The following ABCA8 variants were observed in gnomAD, a reference collection of about 807,000 sequenced individuals.
ABCA8 encodes ATP binding cassette subfamily A member 8.
ABCA8 carries 177 observed loss-of-function variants against 192.3 expected under a neutral mutation model. That is an observed-to-expected ratio of 0.92 (90% CI 0.81 to 1.04). The LOEUF (loss-of-function observed/expected upper bound fraction) is 1.04. Ranked by LOEUF, ABCA8 falls within the 50% of genes least tolerant of loss-of-function variation. ABCA8 has a pLI of 0.00. For missense variants in ABCA8, 1,915 were observed against 1,904.8 expected (o/e 1.01, Z -0.10); for synonymous variants, 642 against 690.2 (o/e 0.93, Z 1.09).
At chr17:68,908,012 AC>A in intron 17 of ABCA8, 133 bp from the exon 18 acceptor site, 1 of 851,534 alleles carries the variant, frequency 1.2e-6, no homozygotes, top group Non-Finnish European at 1.6e-6. Flanking sequence ...TCAGACAAAC[AC>A]AAAATAAGAG....
chr17:68,917,574 C>A, intron 16 of ABCA8, 123 bp from the exon 17 acceptor site: 1 of 639,342 alleles, frequency 1.6e-6, no homozygotes, highest in South Asian at 2.3e-5. Flanking sequence ...GTTTTAAATG[C>A]AGGACTCGAT....
intron 13 of ABCA8, 21 bp from the exon 14 acceptor site, chr17:68,919,497 A>G (rs1340504803): frequency 1.3e-6 from 2 of 1,594,510 alleles, no homozygotes; most frequent in South Asian, 2.2e-5. Context: ...GGAAAAGTTA[A>G]TATCAAGATA....
chr17:68,913,501 G>GA (rs1407088935), intron 17 of ABCA8, among the ~76,000 whole-genome samples: 6 of 150,398 alleles, frequency 4.0e-5, no homozygotes, highest in Admixed American at 1.3e-4. Context: ...CTAAAAAAAA[G>GA]AAAAAAAAGA....
chr17:68,891,575 C>T lies in ABCA8; in HGVS notation c.3058G>A (p.Gly1020Arg), dbSNP rs575143135. The change falls in exon 24 of 40, where the codon GGA becomes AGA. Residue 1020 changes from glycine (G) to arginine (R), a missense_variant. Coordinates refer to ENST00000586539, the MANE Select transcript of ABCA8 (RefSeq NM_001288985.2). ...FLENGQDNPI[G>R]FLAYIMFWLV... Reference sequence around the variant, plus strand: ...CAGAACATGATATATGCCAGGAATCCGATTGGATTGTCCTGTCCATTCTGA... The same window carrying T: ...CAGAACATGATATATGCCAGGAATCTGATTGGATTGTCCTGTCCATTCTGA... 3.3e-5 allele frequency: 53 copies of T among 1,612,278 alleles called. No homozygotes were observed. The highest frequency in any genetic ancestry group is 5.5e-5 in the South Asian group (5 of 91,004).
rs35643726 is a variant in ABCA8 at position 68,942,000 on chromosome 17, G to C, written c.35C>G (p.Thr12Ser). The change falls in exon 3 of 40, where the codon ACT (threonine) becomes AGT (serine). Residue 12 changes from threonine (T) to serine (S), a missense_variant. Thr to Ser is a moderately conservative substitution (Grantham distance 58). Transcript: ENST00000586539. ...RKRKISVCQQ[T>S]WALLCKNFLK... ...AAAGTTCTTGCATAATAAGGCCCAAGTTTGTTGACACACACTGATCTTTCT... is the reference window on the plus strand; with the variant it reads ...AAAGTTCTTGCATAATAAGGCCCAACTTTGTTGACACACACTGATCTTTCT... 6,500 of 1,612,834 alleles carry C rather than the reference G, an allele frequency of 4.0e-3. 193 individuals are homozygous for C. In the African/African-American group the frequency reaches 0.068, roughly 17 times the overall value.
chr17:68,881,176 C>CA lies in ABCA8; in HGVS notation c.3981dup (p.Gly1328TrpfsTer2). 1.2e-6 allele frequency: 2 copies of CA among 1,613,788 alleles called. No individual in the cohort carries two copies. Among genetic ancestry groups the CA allele is most frequent in the Non-Finnish European group, 1.7e-6 (2 of 1,179,830 alleles). On this transcript the variant is annotated frameshift_variant, in exon 32 of 40. Transcript: ENST00000586539. LOFTEE classifies it high-confidence loss of function. ...ATCACCTTAATGGATGTGCTTTTAC[C>CA]AGCTCCATTGTGTCCTAATAATCCT...
intron 1 of ABCA8, among the ~76,000 whole-genome samples, chr17:68,953,612 C>A (rs73998584): frequency 0.056 from 8,451 of 152,098 alleles, 723 homozygotes; most frequent in African/African-American, 0.19. Context: ...TCAGAGAGCC[C>A]ATGGAAGGAG....
chr17:68,900,320 C>T (rs969132666), intron 21 of ABCA8, among the ~76,000 whole-genome samples: 1 of 151,708 alleles, frequency 6.6e-6, no homozygotes, highest in Non-Finnish European at 1.5e-5. Flanking sequence ...GTTTGTGTAA[C>T]AACAAATTAG....
chr17:68,944,944 T>C (rs941116252), intron 2 of ABCA8: 3 of 152,266 alleles, frequency 2.0e-5, no homozygotes, highest in African/African-American at 7.2e-5. Context: ...AAAAACATGT[T>C]GAGGAAGCCC....
At chr17:68,885,982 A>T (rs1428379645) in intron 26 of ABCA8, among the ~76,000 whole-genome samples, 1 of 152,246 alleles carries the variant, frequency 6.6e-6, no homozygotes, top group Non-Finnish European at 1.5e-5. Flanking sequence ...ACTTTTGGTA[A>T]CTATACCAAT....
At chr17:68,899,182 A>C (rs1266827942) in intron 21 of ABCA8, among the ~76,000 whole-genome samples, 1 of 152,098 alleles carries the variant, frequency 6.6e-6, no homozygotes, top group Non-Finnish European at 1.5e-5. Context: ...GGAACAAAAA[A>C]GACATGAGAC....
intron 21 of ABCA8, among the ~76,000 whole-genome samples, chr17:68,900,622 C>T (rs932124704): frequency 2.0e-5 from 3 of 148,496 alleles, no homozygotes; most frequent in African/African-American, 7.4e-5. Flanking sequence ...TATCTAAAGA[C>T]ATTAGCATAA....
At chr17:68,922,891 C>A (rs1173377392) in intron 11 of ABCA8, among the ~76,000 whole-genome samples, 1 of 152,112 alleles carries the variant, frequency 6.6e-6, no homozygotes, top group Non-Finnish European at 1.5e-5. Flanking sequence ...GTTTCACAAC[C>A]TGAAAATTTT....
Position 68,925,206 on chromosome 17 carries a change from G to A in ABCA8, c.1274-337C>T, listed in dbSNP as rs189765600. 1.3e-3 allele frequency among the ~76,000 whole-genome samples: 201 copies of A among 151,998 alleles called. 1 individual carries two copies. Among genetic ancestry groups the A allele is most frequent in the Non-Finnish European group, 1.8e-3 (125 of 67,990 alleles). On this transcript the variant is annotated intron_variant, in intron 10 of 39. Transcript: ENST00000586539. ...ATGCTGAATTCTGTCTAGAAGACCA[G>A]GTGTCATTACATAGGCAAAGAAAGA...
At chr17:68,938,551 C>T (rs1244963435) in intron 4 of ABCA8, among the ~76,000 whole-genome samples, 1 of 152,118 alleles carries the variant, frequency 6.6e-6, no homozygotes, top group African/African-American at 2.4e-5. Flanking sequence ...TCAGTACCTT[C>T]TAAGTCAAAT....
intron 35 of ABCA8, 83 bp from the exon 36 acceptor site, chr17:68,875,816 A>T: frequency 6.9e-7 from 1 of 1,454,304 alleles, no homozygotes; most frequent in South Asian, 1.4e-5. Flanking sequence ...TTTAACTGGC[A>T]TGCGTGTGAA....
At chr17:68,913,431 A>G (rs917633888) in intron 17 of ABCA8, among the ~76,000 whole-genome samples, 1 of 152,156 alleles carries the variant, frequency 6.6e-6, no homozygotes, top group South Asian at 2.1e-4. Flanking sequence ...AATGAAATAA[A>G]CAATACAAAA....
chr17:68,953,281 A>C (rs1290766474), intron 1 of ABCA8, among the ~76,000 whole-genome samples: 1 of 152,238 alleles, frequency 6.6e-6, no homozygotes, highest in Non-Finnish European at 1.5e-5. Context: ...CATTTGGCTC[A>C]TAAGTCCTGA....
rs765505634 is a variant in ABCA8 at position 68,903,471 on chromosome 17, C to T, written c.2427G>A (p.Ala809=). ...GCCTTTCAGTGTCGTCAGCTTTTTC[C>T]GCTTGTACTTCTCCCAAAATAGCAA... The part of the protein sequence containing the change: ...SDIAILGEVQ[A]EKADDTERLV... The change falls in exon 20 of 40, where the codon GCG becomes GCA. Residue 809 remains alanine (A), a synonymous_variant. Coordinates refer to ENST00000586539, the MANE Select transcript of ABCA8 (RefSeq NM_001288985.2). The T allele has an allele frequency of 9.9e-6, 16 of 1,613,930 alleles. No individual in the cohort carries two copies. Among genetic ancestry groups the T allele is most frequent in the Admixed American group, 1.7e-5 (1 of 59,988 alleles).
Sources: allele counts gnomAD v4.1 joint callset (sites outside exome capture counted in the v4.1 genomes callset), GRCh38; gene constraint gnomAD v4.1.1; transcripts MANE v1.5; gene names NCBI Gene and HGNC (gene_info 2026-07-23, HGNC 2026-07-21).